GRID2: variants seen among roughly 807,000 people sequenced by gnomAD.
The protein encoded by GRID2 is glutamate receptor ionotropic, delta-2.
GRID2 carries 33 observed loss-of-function variants against 114.8 expected under a neutral mutation model. That is an observed-to-expected ratio of 0.29 (90% confidence interval 0.22 to 0.38). The LOEUF is 0.38. Among genes scored for constraint, GRID2 ranks in the 10% least tolerant of loss-of-function variants. GRID2 has a pLI of 1.00. For synonymous variants in GRID2, 505 were observed against 449.9 expected, an observed-to-expected ratio of 1.12 and a Z score of -1.55; for missense variants, 1,184 against 1,257.7, an observed-to-expected ratio of 0.94 and a Z score of 0.89.
At chr4:93,545,194 A>G (rs1043615844) in intron 13 of GRID2, among the ~76,000 whole-genome samples, 5 of 152,210 alleles carry the variant, frequency 3.3e-5, no homozygotes, top group Non-Finnish European at 7.3e-5. Context: ...GCAGATAACA[A>G]AGAACTAGAA....
chr4:92,819,421 T>C (rs1682400557), intron 2 of GRID2, among the ~76,000 whole-genome samples: 1 of 152,030 alleles, frequency 6.6e-6, no homozygotes, highest in African/African-American at 2.4e-5. Flanking sequence ...GGGGGCGGCA[T>C]GAAGAGTGAA....
At chr4:93,203,419 C>A (rs1465165411) in intron 4 of GRID2, among the ~76,000 whole-genome samples, 1 of 151,962 alleles carries the variant, frequency 6.6e-6, no homozygotes, top group Non-Finnish European at 1.5e-5. Flanking sequence ...CAAGACATAT[C>A]TGTTTTTTTA....
At chr4:92,787,355 G>T (rs1055466718) in intron 2 of GRID2, among the ~76,000 whole-genome samples, 1 of 151,854 alleles carries the variant, frequency 6.6e-6, no homozygotes, top group African/African-American at 2.4e-5. Flanking sequence ...GGAGTCCTAG[G>T]GGTTCCAGGA....
intron 2 of GRID2, among the ~76,000 whole-genome samples, chr4:92,828,091 A>T (rs544561289): frequency 9.2e-5 from 14 of 152,132 alleles, no homozygotes; most frequent in African/African-American, 3.4e-4. Context: ...GAGAAACTGT[A>T]TTCCCCTACA....
intron 1 of GRID2, among the ~76,000 whole-genome samples, chr4:93,804,431 G>A (rs1028341157): frequency 1.3e-5 from 2 of 152,232 alleles, no homozygotes; most frequent in South Asian, 2.1e-4. Context: ...GGTACAGCAC[G>A]CCGCTGTACA....
chr4:93,781,668 A>G (rs1019477970), intron 1 of GRID2, among the ~76,000 whole-genome samples: 5 of 152,182 alleles, frequency 3.3e-5, no homozygotes, highest in African/African-American at 1.2e-4. Context: ...TCTTCTGTAT[A>G]ATTTAAATCA....
chr4:92,737,225 A>G (rs1338894893), intron 2 of GRID2, among the ~76,000 whole-genome samples: 3 of 152,090 alleles, frequency 2.0e-5, no homozygotes, highest in Non-Finnish European at 2.9e-5. Flanking sequence ...TCAAGATTAA[A>G]ATAATTCAAT....
intron 2 of GRID2, among the ~76,000 whole-genome samples, chr4:92,725,690 C>T (rs1022927402): frequency 3.9e-5 from 6 of 152,122 alleles, no homozygotes; most frequent in Admixed American, 3.9e-4. Context: ...TTTGTAGAGT[C>T]TAATATATTC....
At chr4:93,254,986 G>T (rs987084950) in intron 8 of GRID2, among the ~76,000 whole-genome samples, 1 of 151,994 alleles carries the variant, frequency 6.6e-6, no homozygotes, top group Admixed American at 6.6e-5. Flanking sequence ...AACAAACAAA[G>T]AAATTCAGGC....
chr4:93,387,794 C>A (rs1479459334), intron 8 of GRID2, among the ~76,000 whole-genome samples: 1 of 147,072 alleles, frequency 6.8e-6, no homozygotes, highest in African/African-American at 2.6e-5. Flanking sequence ...AATGCCACTG[C>A]ACTCCAGTCT....
At chr4:92,699,072 A>G (rs1329859964) in intron 2 of GRID2, among the ~76,000 whole-genome samples, 1 of 152,166 alleles carries the variant, frequency 6.6e-6, no homozygotes, top group Non-Finnish European at 1.5e-5. Flanking sequence ...GCACTTTATA[A>G]ATAAGAAAAA....
chr4:92,743,298 T>A (rs1736986834), intron 2 of GRID2, among the ~76,000 whole-genome samples: 1 of 152,166 alleles, frequency 6.6e-6, no homozygotes, highest in Non-Finnish European at 1.5e-5. Context: ...ATCATCATCA[T>A]CATCTAAAAA....
intron 4 of GRID2, among the ~76,000 whole-genome samples, chr4:93,186,740 T>C (rs1740462605): frequency 6.6e-6 from 1 of 152,214 alleles, no homozygotes; most frequent in Non-Finnish European, 1.5e-5. Flanking sequence ...GCATATGTCA[T>C]CTCTCACATG....
intron 4 of GRID2, among the ~76,000 whole-genome samples, chr4:93,167,698 A>G (rs979153069): frequency 6.6e-6 from 1 of 152,192 alleles, no homozygotes; most frequent in African/African-American, 2.4e-5. Flanking sequence ...ATGAGCTGCA[A>G]AATTAATTTA....
rs192588348 is a variant in GRID2, at chr4:92,870,002, G to A, written c.245-214993G>A. Among the ~76,000 whole-genome samples the A allele has an allele frequency of 3.3e-5, 5 of 151,720 alleles. No individual in the cohort carries two copies. The East Asian group carries it at 7.8e-4, about 24-fold the overall frequency. On this transcript the variant is annotated intron_variant, in intron 2 of 15. Transcript: ENST00000282020. ...GGCCAGGAATTCAAGACCAGCCTGA[G>A]CAACCAATATAGTGAGACCCCGTCT...
At chr4:92,812,806 C>T (rs551199661) in intron 2 of GRID2, among the ~76,000 whole-genome samples, 1 of 152,252 alleles carries the variant, frequency 6.6e-6, no homozygotes, top group South Asian at 2.1e-4. Flanking sequence ...AACTCGTTGA[C>T]AGATACTTAA....
intron 9 of GRID2, among the ~76,000 whole-genome samples, chr4:93,396,211 T>A (rs759964481): frequency 2.0e-5 from 3 of 152,050 alleles, no homozygotes; most frequent in African/African-American, 7.2e-5. Context: ...TACTGTCGAC[T>A]GTATTCCAGG....
chr4:92,427,618 T>G (rs1002272244), intron 1 of GRID2, among the ~76,000 whole-genome samples: 2 of 152,260 alleles, frequency 1.3e-5, no homozygotes, highest in Non-Finnish European at 2.9e-5. Context: ...GAGATCATGA[T>G]AAGGAGATGA....
At chr4:93,659,217 G>C (rs1723274428) in intron 14 of GRID2, among the ~76,000 whole-genome samples, 1 of 151,662 alleles carries the variant, frequency 6.6e-6, no homozygotes, top group Non-Finnish European at 1.5e-5. Flanking sequence ...ACATCCCAAA[G>C]TCCAGAAGTG....
Sources: allele counts gnomAD v4.1 joint callset (sites outside exome capture counted in the v4.1 genomes callset), GRCh38; gene constraint gnomAD v4.1.1; transcripts MANE v1.5; gene names NCBI Gene and HGNC (gene_info 2026-07-23, HGNC 2026-07-21).